The following AMOT variants were observed in gnomAD, a reference collection of about 807,000 sequenced individuals.
AMOT encodes the protein angiomotin.
In AMOT, 11 loss-of-function variants were observed where a neutral mutation model predicts 67.0. That is an observed-to-expected ratio of 0.16 (90% CI 0.10 to 0.27). The LOEUF is 0.27. Ranked by LOEUF, AMOT falls within the 10% of genes least tolerant of loss-of-function variation. AMOT has a pLI of 1.00. For missense variants in AMOT, 753 were observed against 852.0 expected (o/e 0.88, Z 1.45); for synonymous variants, 326 against 321.4 (o/e 1.01, Z -0.15).
At chrX:112,802,440 T>G (rs1289484718) in intron 8 of AMOT, among the ~76,000 whole-genome samples, 2 of 112,515 alleles carry the variant, frequency 1.8e-5, no homozygotes, top group Non-Finnish European at 3.7e-5. Context: ...CCAGTTGATT[T>G]TCTCTGAGAT....
chrX:112,777,484 T>C lies in AMOT; in HGVS notation c.*1083A>G, dbSNP rs1431277323. 8.9e-6 allele frequency: 1 copy of C among 112,396 alleles called. No individual in the cohort carries two copies. Among genetic ancestry groups the C allele is most frequent in the African/African-American group, 3.2e-5 (1 of 30,870 alleles). The allele number at this position is 112,396 out of a possible 1,213,427, so 9.3% of individuals were successfully genotyped here. On this transcript the variant is annotated 3_prime_UTR_variant, in exon 14 of 14. Transcript: ENST00000371959. ...TCTCAAGCTATTCCCTTGGAGGTGATAGTCAAAAATGCCTTTTAAGACATA... is the reference window on the plus strand; with the variant it reads ...TCTCAAGCTATTCCCTTGGAGGTGACAGTCAAAAATGCCTTTTAAGACATA...
intron 10 of AMOT, among the ~76,000 whole-genome samples, chrX:112,787,829 G>A (rs1933419468): frequency 9.0e-6 from 1 of 111,617 alleles, no homozygotes; most frequent in Admixed American, 9.5e-5. Context: ...ATTGAAATGT[G>A]GCACCAGATT....
chrX:112,788,006 G>A (rs1038385921), intron 10 of AMOT, among the ~76,000 whole-genome samples: 4 of 111,190 alleles, frequency 3.6e-5, no homozygotes, highest in Non-Finnish European at 7.5e-5. Flanking sequence ...AAATTATTTT[G>A]AGGGCGGGCG....
intron 4 of AMOT, among the ~76,000 whole-genome samples, chrX:112,817,737 G>A (rs948143974): frequency 3.6e-5 from 4 of 111,847 alleles, no homozygotes; most frequent in African/African-American, 9.8e-5. Context: ...GAGGGCATGC[G>A]AACTATTTGG....
chrX:112,814,342 C>T (rs1281081112), intron 5 of AMOT, among the ~76,000 whole-genome samples: 1 of 111,250 alleles, frequency 9.0e-6, no homozygotes, highest in Non-Finnish European at 1.9e-5. Context: ...CCTTGAGGCC[C>T]CCAGATTTGG....
chrX:112,831,899 T>C (rs650005), intron 2 of AMOT, among the ~76,000 whole-genome samples: 29,303 of 109,519 alleles, frequency 0.27, 5,166 homozygotes, highest in African/African-American at 0.63. Flanking sequence ...TTCCTTTATT[T>C]ATCCCGATGG....
chrX:112,779,850 A>G (rs1208618944), intron 12 of AMOT, among the ~76,000 whole-genome samples, 170 bp from the exon 13 acceptor site: 1 of 110,291 alleles, frequency 9.1e-6, no homozygotes, highest in Non-Finnish European at 1.9e-5. Context: ...AATAATTTAG[A>G]ATAGTCTAAG....
At chrX:112,837,292 T>C (rs1935153708) in intron 1 of AMOT, among the ~76,000 whole-genome samples, 1 of 112,127 alleles carries the variant, frequency 8.9e-6, no homozygotes, top group Non-Finnish European at 1.9e-5. Flanking sequence ...AAAGGCCAAA[T>C]AATGGCCTCA....
chrX:112,779,256 A>G lies in AMOT; in HGVS notation c.2898T>C (p.Ala966=). The G allele has an allele frequency of 1.6e-6, 1 of 635,254 alleles. No individual in the cohort carries two copies. The allele number at this position is 635,254 out of a possible 1,213,427, so 52.4% of individuals were successfully genotyped here. Reference sequence around the variant, plus strand: ...CAGCTGGAGCAACCTGAACAGCAGCAGCAGCAGCAGCAGAAGGAGCAACGG... The same window carrying G: ...CAGCTGGAGCAACCTGAACAGCAGCGGCAGCAGCAGCAGAAGGAGCAACGG... The part of the protein sequence containing the change: ...AAAVAPSAAA[A]AAVQVAPAAP... Residue 966 remains alanine, a synonymous_variant, in exon 13 of 14, where the codon GCT becomes GCC. Coordinates refer to ENST00000371959, the MANE Select transcript of AMOT (RefSeq NM_001113490.2).
At chrX:112,840,330 G>T (rs188444227) in intron 1 of AMOT, 122 bp downstream of exon 1, 1 of 112,361 alleles carries the variant, frequency 8.9e-6, no homozygotes, top group Admixed American at 9.3e-5. Flanking sequence ...AAAGAAAGTA[G>T]AACACACGGG....
chrX:112,832,927 C>G (rs763941251), intron 1 of AMOT, among the ~76,000 whole-genome samples: 5 of 111,725 alleles, frequency 4.5e-5, no homozygotes, highest in Non-Finnish European at 7.5e-5. Context: ...TCTCTGAAGG[C>G]AGAAGGCAGC....
chrX:112,833,483 G>C (rs544808413), intron 1 of AMOT, among the ~76,000 whole-genome samples: 39 of 101,094 alleles, frequency 3.9e-4, no homozygotes, highest in African/African-American at 1.1e-3. Context: ...AGTAAAGGGG[G>C]GGGGGGGGTC....
intron 1 of AMOT, among the ~76,000 whole-genome samples, chrX:112,836,165 C>T (rs1935125935): frequency 9.0e-6 from 1 of 111,723 alleles, no homozygotes; most frequent in Admixed American, 9.5e-5. Context: ...TTTCATATTC[C>T]ACTCAAATTT....
chrX:112,792,855 AAT>A (rs1933661793), intron 8 of AMOT, among the ~76,000 whole-genome samples: 1 of 111,378 alleles, frequency 9.0e-6, no homozygotes, highest in Non-Finnish European at 1.9e-5. Flanking sequence ...TCCAAAAGCA[AAT>A]GTAGAAGCAA....
intron 8 of AMOT, among the ~76,000 whole-genome samples, chrX:112,804,659 G>A (rs1169052014): frequency 8.9e-6 from 1 of 111,742 alleles, no homozygotes; most frequent in Non-Finnish European, 1.9e-5. Flanking sequence ...TAGGTATATA[G>A]TAAGAGCTTG....
At chrX:112,840,286 T>TG (rs1935260062) in intron 1 of AMOT, among the ~76,000 whole-genome samples, 166 bp downstream of exon 1, 1 of 111,584 alleles carries the variant, frequency 9.0e-6, no homozygotes, top group Non-Finnish European at 1.9e-5. Context: ...CGATTTAACT[T>TG]GCTGCACATC....
At chrX:112,823,688 G>T (rs1303769199) in intron 3 of AMOT, among the ~76,000 whole-genome samples, 1 of 112,179 alleles carries the variant, frequency 8.9e-6, no homozygotes, top group African/African-American at 3.2e-5. Flanking sequence ...GGTGAAGAGA[G>T]CTTGGCTTGC....
chrX:112,802,293 T>G (rs779974609), intron 8 of AMOT, among the ~76,000 whole-genome samples: 302 of 112,167 alleles, frequency 2.7e-3, no homozygotes, highest in African/African-American at 8.2e-3. Flanking sequence ...AAGCAAAACT[T>G]TAATTAGCAA....
At chrX:112,804,881 G>A in intron 8 of AMOT, 66 bp downstream of exon 8, 1 of 1,182,706 alleles carries the variant, frequency 8.5e-7, no homozygotes, top group Non-Finnish European at 1.1e-6. Context: ...ACAATGTGGA[G>A]CCCAGTGTCC....
Sources: allele counts gnomAD v4.1 joint callset (sites outside exome capture counted in the v4.1 genomes callset), GRCh38; gene constraint gnomAD v4.1.1; transcripts MANE v1.5; gene names NCBI Gene and HGNC (gene_info 2026-07-23, HGNC 2026-07-21).